The following PRKAR2A variants were observed in gnomAD, a reference collection of about 807,000 sequenced individuals.
PRKAR2A encodes cAMP-dependent protein kinase type II-alpha regulatory subunit.
Under a neutral mutation model 51.9 loss-of-function variants are expected in PRKAR2A, and 29 were observed. The ratio of observed to expected loss-of-function variants is 0.56; its 90% confidence interval spans 0.42 to 0.76. The LOEUF is 0.76. Ranked by LOEUF, PRKAR2A falls within the 30% of genes least tolerant of loss-of-function variation. The pLI is 0.00. For missense variants in PRKAR2A, 445 were observed against 512.1 expected, an observed-to-expected ratio of 0.87 and a Z score of 1.26; for synonymous variants, 178 against 186.2, an observed-to-expected ratio of 0.96 and a Z score of 0.36.
intron 5 of PRKAR2A, among the ~76,000 whole-genome samples, chr3:48,779,822 A>G (rs959359405): frequency 6.7e-6 from 1 of 149,466 alleles, no homozygotes; most frequent in Admixed American, 6.7e-5. Context: ...TAAATAAATA[A>G]ATAAATAAAA....
At chr3:48,777,955 T>TTAAATG (rs1262558133) in intron 5 of PRKAR2A, among the ~76,000 whole-genome samples, 2 of 152,158 alleles carry the variant, frequency 1.3e-5, no homozygotes, top group African/African-American at 4.8e-5. Context: ...ACTTTGGAAG[T>TTAAATG]GACATGAACT....
At chr3:48,824,597 GAAAGAAAGAA>G in intron 1 of PRKAR2A, among the ~76,000 whole-genome samples, 1 of 125,488 alleles carries the variant, frequency 8.0e-6, no homozygotes, top group East Asian at 2.6e-4. Flanking sequence ...AAGAAAGAAA[GAAAGAAAGAA>G]CCCTGCACAT....
chr3:48,795,262 C>CGCGA (rs1365057191), intron 2 of PRKAR2A, among the ~76,000 whole-genome samples: 2 of 152,022 alleles, frequency 1.3e-5, no homozygotes, highest in African/African-American at 4.8e-5. Context: ...CGTGAGCCAC[C>CGCGA]GCGACTAGCC....
At chr3:48,808,133 C>T (rs1412971707) in intron 1 of PRKAR2A, among the ~76,000 whole-genome samples, 1 of 151,516 alleles carries the variant, frequency 6.6e-6, no homozygotes, top group Non-Finnish European at 1.5e-5. Flanking sequence ...CTGCAAGCTC[C>T]GCCTCCCACG....
chr3:48,793,968 C>A (rs1186415158), intron 3 of PRKAR2A, 29 bp downstream of exon 3: 1 of 1,543,584 alleles, frequency 6.5e-7, no homozygotes. Context: ...TAGAACAATT[C>A]TACCTAACAT....
At chr3:48,823,701 G>C (rs988583551) in intron 1 of PRKAR2A, among the ~76,000 whole-genome samples, 1 of 148,750 alleles carries the variant, frequency 6.7e-6, no homozygotes, top group Non-Finnish European at 1.5e-5. Context: ...TGGGAGGATT[G>C]CTTGAACCTG....
At chr3:48,792,741 G>A (rs992363494) in intron 3 of PRKAR2A, among the ~76,000 whole-genome samples, 2 of 152,072 alleles carry the variant, frequency 1.3e-5, no homozygotes, top group Non-Finnish European at 2.9e-5. Context: ...GATTACAGGC[G>A]TGAGTTACCA....
At chr3:48,776,717 T>C (rs981631382) in intron 5 of PRKAR2A, among the ~76,000 whole-genome samples, 1 of 152,086 alleles carries the variant, frequency 6.6e-6, no homozygotes, top group Non-Finnish European at 1.5e-5. Flanking sequence ...GGCATGTGCC[T>C]GTAATCCCAG....
chr3:48,778,026 T>C (rs980637395), intron 5 of PRKAR2A, among the ~76,000 whole-genome samples: 2 of 152,230 alleles, frequency 1.3e-5, no homozygotes, highest in African/African-American at 4.8e-5. Flanking sequence ...TCATCCTCTA[T>C]ATAATGGGGC....
intron 1 of PRKAR2A, among the ~76,000 whole-genome samples, chr3:48,842,422 T>C (rs535801080): frequency 5.5e-4 from 84 of 152,290 alleles, no homozygotes; most frequent in Non-Finnish European, 9.1e-4. Flanking sequence ...TCCTGCCTAA[T>C]TGCCCTGGCC....
At chr3:48,801,948 C>T (rs978272339) in intron 2 of PRKAR2A, among the ~76,000 whole-genome samples, 2 of 151,126 alleles carry the variant, frequency 1.3e-5, no homozygotes, top group African/African-American at 4.9e-5. Context: ...TCACTCTTGT[C>T]GCCCAGGCTG....
intron 8 of PRKAR2A, among the ~76,000 whole-genome samples, chr3:48,758,158 T>G (rs1273833839): frequency 6.6e-6 from 1 of 151,222 alleles, no homozygotes; most frequent in African/African-American, 2.4e-5. Context: ...CTTGGGAGAC[T>G]GAGGCACAAG....
chr3:48,758,262 A>AAAAAAAAG (rs1226507759), intron 8 of PRKAR2A, among the ~76,000 whole-genome samples: 3 of 150,602 alleles, frequency 2.0e-5, no homozygotes, highest in Non-Finnish European at 3.0e-5. Flanking sequence ...CATCTCAAAA[A>AAAAAAAAG]AAAAAAAGAA....
chr3:48,765,119 T>C (rs1482994050), intron 7 of PRKAR2A, 41 bp from the exon 8 acceptor site: 13 of 1,594,426 alleles, frequency 8.2e-6, no homozygotes, highest in East Asian at 6.7e-5. Context: ...AAGACCTTAA[T>C]TGAAAGTCAC....
At chr3:48,828,132 C>T (rs1364347285) in intron 1 of PRKAR2A, among the ~76,000 whole-genome samples, 3 of 152,212 alleles carry the variant, frequency 2.0e-5, no homozygotes, top group Non-Finnish European at 4.4e-5. Flanking sequence ...TCCTAAAGTG[C>T]TGGGATTACA....
At chr3:48,800,092 T>G in intron 2 of PRKAR2A, among the ~76,000 whole-genome samples, 1 of 151,342 alleles carries the variant, frequency 6.6e-6, no homozygotes. Flanking sequence ...ACTCCTGACC[T>G]TGTGATCCAC....
At chr3:48,793,873 A>T in intron 3 of PRKAR2A, 124 bp downstream of exon 3, 1 of 837,454 alleles carries the variant, frequency 1.2e-6, no homozygotes, top group Admixed American at 2.5e-5. Flanking sequence ...TAGATTAAAA[A>T]TGTCACTTCA....
intron 1 of PRKAR2A, among the ~76,000 whole-genome samples, chr3:48,841,387 T>C (rs1381352454): frequency 6.6e-6 from 1 of 150,808 alleles, no homozygotes; most frequent in Non-Finnish European, 1.5e-5. Context: ...CTACTAAAAA[T>C]ACAAAAAATT....
intron 9 of PRKAR2A, among the ~76,000 whole-genome samples, chr3:48,754,424 ATGAGGT>A (rs2107196761): frequency 6.6e-6 from 1 of 152,048 alleles, no homozygotes; most frequent in East Asian, 2.0e-4. Context: ...TTTAGTAGAG[ATGAGGT>A]TTCTCCATGT....
Sources: allele counts gnomAD v4.1 joint callset (sites outside exome capture counted in the v4.1 genomes callset), GRCh38; gene constraint gnomAD v4.1.1; transcripts MANE v1.5; gene names NCBI Gene and HGNC (gene_info 2026-07-23, HGNC 2026-07-21).